The following NEK9 variants were observed in gnomAD, a reference collection of about 807,000 sequenced individuals.
The protein encoded by NEK9 is NIMA related kinase 9, also known as serine/threonine-protein kinase Nek9.
A neutral mutation model predicts 123.4 loss-of-function variants in NEK9; 75 were observed. That is an observed-to-expected ratio of 0.61 (90% CI 0.50 to 0.74). The LOEUF (loss-of-function observed/expected upper bound fraction) is 0.74. NEK9 is among the 30% of genes least tolerant of loss of function. NEK9 has a pLI of 0.00. For synonymous variants in NEK9, 438 were observed against 458.7 expected (o/e 0.95, Z 0.58); for missense variants, 952 against 1,214.4 (o/e 0.78, Z 3.21).
intron 7 of NEK9, among the ~76,000 whole-genome samples, 163 bp from the exon 8 acceptor site, chr14:75,113,566 C>T (rs1308921818): frequency 6.6e-6 from 1 of 152,210 alleles, no homozygotes; most frequent in Non-Finnish European, 1.5e-5. Context: ...ATAATCAACA[C>T]TTGTACATGA....
chr14:75,120,795 T>C, intron 3 of NEK9: 6 of 582,044 alleles, frequency 1.0e-5, no homozygotes, highest in Non-Finnish European at 1.8e-5. Context: ...TCCAATGTCA[T>C]TATAATATAT....
chr14:75,103,417 G>A (rs187437415), intron 14 of NEK9, among the ~76,000 whole-genome samples: 20 of 152,198 alleles, frequency 1.3e-4, no homozygotes, highest in African/African-American at 3.6e-4. Flanking sequence ...GGTAAAAGCT[G>A]AATTTCATCA....
At chr14:75,108,293 T>A (rs1489745606) in intron 10 of NEK9, among the ~76,000 whole-genome samples, 1 of 151,804 alleles carries the variant, frequency 6.6e-6, no homozygotes, top group Non-Finnish European at 1.5e-5. Flanking sequence ...CCTGGCTAAT[T>A]TTTTGTATGT....
At chr14:75,110,249 C>T in intron 9 of NEK9, 72 bp downstream of exon 9, 1 of 1,145,958 alleles carries the variant, frequency 8.7e-7, no homozygotes, top group Non-Finnish European at 1.3e-6. Flanking sequence ...TCAAATAATG[C>T]CTACACTCAA....
intron 14 of NEK9, 28 bp from the exon 15 acceptor site, chr14:75,101,793 T>C: frequency 1.3e-6 from 2 of 1,504,930 alleles, no homozygotes; most frequent in Non-Finnish European, 1.8e-6. Flanking sequence ...ACAAAGCAGA[T>C]GCATGAGGTA....
At chr14:75,103,694 G>C (rs1440789783) in intron 14 of NEK9, 148 bp downstream of exon 14, 2 of 780,886 alleles carry the variant, frequency 2.6e-6, no homozygotes, top group African/African-American at 1.8e-5. Flanking sequence ...TGTACTCTTT[G>C]TGGCTGGCTT....
chr14:75,089,058 G>A (rs1373226936), intron 19 of NEK9, among the ~76,000 whole-genome samples: 3 of 152,154 alleles, frequency 2.0e-5, no homozygotes, highest in Non-Finnish European at 2.9e-5. Flanking sequence ...TAGACAGGGA[G>A]CTTTAAACCT....
At chr14:75,108,075 T>C (rs892392307) in intron 10 of NEK9, among the ~76,000 whole-genome samples, 1 of 151,958 alleles carries the variant, frequency 6.6e-6, no homozygotes, top group East Asian at 1.9e-4. Flanking sequence ...TCTGGCTACA[T>C]CAAAGAGGCT....
chr14:75,095,390 C>A lies in NEK9; in HGVS notation c.2215G>T (p.Gly739Cys). 6.2e-7 allele frequency: 1 copy of A among 1,613,272 alleles called. No individual in the cohort carries two copies. ...NSKTIRSNSS[G>C]LSIGTVFQSS... ...TACTTACCAGTTCCAATGGATAAGCCACTGCTATTGGAACGGATGGTCTTA... is the reference window on the plus strand; with the variant it reads ...TACTTACCAGTTCCAATGGATAAGCAACTGCTATTGGAACGGATGGTCTTA... Residue 739 changes from glycine (G) to cysteine (C), a missense_variant, in exon 18 of 22, where the codon GGC becomes TGC. Gly to Cys is a radical substitution (Grantham distance 159, BLOSUM62 -3). Coordinates refer to ENST00000238616, the MANE Select transcript of NEK9 (RefSeq NM_033116.6).
chr14:75,124,240 A>G lies in NEK9; in HGVS notation c.220-17T>C, dbSNP rs777797909. 2 of 1,607,104 alleles carry G rather than the reference A, an allele frequency of 1.2e-6. No homozygotes were observed. On this transcript the variant is annotated splice_polypyrimidine_tract_variant and intron_variant, in intron 1 of 21. Coordinates refer to ENST00000238616, the MANE Select transcript of NEK9 (RefSeq NM_033116.6). ...TGAGTCATCCTAAACACAGTAACAG[A>G]GGTATCGTGCTTTTCCTCTTGCCTG... is the stretch of plus-strand genomic sequence containing the variant.
At chr14:75,099,595 A>C (rs1475596677) in intron 16 of NEK9, among the ~76,000 whole-genome samples, 1 of 151,808 alleles carries the variant, frequency 6.6e-6, no homozygotes, top group Non-Finnish European at 1.5e-5. Flanking sequence ...CAGTCTGGCT[A>C]ACAGGGCAAA....
chr14:75,085,424 C>T (rs1034032098), intron 21 of NEK9, among the ~76,000 whole-genome samples: 4 of 152,266 alleles, frequency 2.6e-5, no homozygotes, highest in Admixed American at 2.6e-4. Flanking sequence ...CAAACACCTA[C>T]AGCTGGCAAA....
chr14:75,091,258 C>T lies in NEK9; in HGVS notation c.2442+12G>A. The T allele has an allele frequency of 6.3e-7, 1 of 1,596,640 alleles. No homozygotes were observed. Among genetic ancestry groups the T allele is most frequent in the Non-Finnish European group, 8.5e-7 (1 of 1,172,334 alleles). On this transcript the variant is annotated intron_variant, in intron 19 of 21. Transcript: ENST00000238616. The stretch of plus-strand genomic sequence containing the variant: ...CATATTTTATCCAAGTTACTTCTTC[C>T]AAAGGAATTACCTTTCGAAGCCAGC...
Position 75,087,238 on chromosome 14 carries a change from G to GA in NEK9, c.2605-9dup. The stretch of plus-strand genomic sequence containing the variant: ...AGGATTCAGCCGAGGTGACTAGAGA[G>GA]ACAAGAAGGAGATTGCAGGAGGTTC... On this transcript the variant is annotated splice_polypyrimidine_tract_variant and intron_variant, in intron 20 of 21. Coordinates refer to ENST00000238616, the MANE Select transcript of NEK9 (RefSeq NM_033116.6). The GA allele has an allele frequency of 6.3e-7, 1 of 1,595,030 alleles. No homozygotes were observed. The highest frequency in any genetic ancestry group is 8.6e-7 in the Non-Finnish European group (1 of 1,164,668).
At chr14:75,089,537 TTATC>T (rs1594822639) in intron 19 of NEK9, among the ~76,000 whole-genome samples, 1 of 150,670 alleles carries the variant, frequency 6.6e-6, no homozygotes, top group African/African-American at 2.4e-5. Context: ...CCTTATTTAT[TTATC>T]TATTTATTTT....
At chr14:75,113,283 C>G in intron 8 of NEK9, 56 bp downstream of exon 8, 1 of 1,325,250 alleles carries the variant, frequency 7.5e-7, no homozygotes, top group Non-Finnish European at 1.1e-6. Flanking sequence ...TCTGATCAAG[C>G]CTCTAAAAGT....
chr14:75,082,715 C>G lies in NEK9; in HGVS notation c.*1849G>C. 1 of 340,262 alleles carries G rather than the reference C, an allele frequency of 2.9e-6. No homozygotes were observed. Among genetic ancestry groups the G allele is most frequent in the Non-Finnish European group, 5.3e-6 (1 of 189,274 alleles). 21.1% of individuals were successfully genotyped at this position (340,262 alleles called of 1,614,324 possible). On this transcript the variant is annotated 3_prime_UTR_variant, in exon 22 of 22. Transcript: ENST00000238616. ...GCAATCCTCATGATGAACACCCAAA[C>G]TGACCCAGCCTCTCAGGCCTGCTGA...
chr14:75,087,780 T>C (rs1304262634), intron 20 of NEK9, among the ~76,000 whole-genome samples: 3 of 152,240 alleles, frequency 2.0e-5, no homozygotes, highest in Admixed American at 2.0e-4. Context: ...GATTTTTCTC[T>C]TTTCTACTGT....
Position 75,120,471 on chromosome 14 carries a change from G to A in NEK9, c.524+39C>T, listed in dbSNP as rs770582881. 2.3e-5 allele frequency: 34 copies of A among 1,447,770 alleles called. No homozygotes were observed. The Admixed American group carries it at 5.8e-4, about 25-fold the overall frequency. The allele number at this position is 1,447,770 out of a possible 1,614,324, so 89.7% of individuals were successfully genotyped here. A position where few individuals can be genotyped will look rare whatever the true frequency, so the allele number is the denominator to read the frequency against. ...GGTATCCACGGTAGGGGCTGAATTGGTAGGGAAGAATCCATCCATAATTTT... is the reference window on the plus strand; with the variant it reads ...GGTATCCACGGTAGGGGCTGAATTGATAGGGAAGAATCCATCCATAATTTT... On this transcript the variant is annotated intron_variant, in intron 4 of 21. Transcript: ENST00000238616.
Sources: gnomAD v4.1 joint callset for allele counts (sites outside exome capture counted in the v4.1 genomes callset) on GRCh38, gnomAD v4.1.1 for gene constraint, MANE v1.5 for transcripts, NCBI Gene and HGNC (gene_info 2026-07-23, HGNC 2026-07-21) for gene names.